The following BDH1 variants were observed in gnomAD, a reference collection of about 807,000 sequenced individuals.
BDH1 encodes the protein D-beta-hydroxybutyrate dehydrogenase, mitochondrial.
BDH1 carries 30 observed loss-of-function variants against 33.1 expected under a neutral mutation model. The observed-to-expected ratio is 0.91, with a 90% CI of 0.68 to 1.23. The LOEUF is 1.23. Ranked by LOEUF, BDH1 falls within the 50% of genes most tolerant of loss-of-function variation. The pLI is 0.00. For synonymous variants in BDH1, 190 were observed against 183.6 expected (o/e 1.03, Z -0.28); for missense variants, 443 against 464.4 (o/e 0.95, Z 0.42).
At chr3:197,563,656 G>T (rs1280330801) in intron 1 of BDH1, among the ~76,000 whole-genome samples, 2 of 151,964 alleles carry the variant, frequency 1.3e-5, no homozygotes, top group African/African-American at 4.8e-5. Context: ...CATTATATGG[G>T]TATTTTCCAA....
chr3:197,550,287 G>C (rs1305424820), intron 2 of BDH1, among the ~76,000 whole-genome samples: 1 of 152,056 alleles, frequency 6.6e-6, no homozygotes, highest in African/African-American at 2.4e-5. Flanking sequence ...AAAAGCCAAG[G>C]GTCTAACATT....
At chr3:197,530,220 T>TTGTG (rs1420283353) in intron 5 of BDH1, 1 of 152,132 alleles carries the variant, frequency 6.6e-6, no homozygotes, top group Admixed American at 6.5e-5. Context: ...GTTGGTGAAA[T>TTGTG]TGTGTGGAAA....
At chr3:197,570,939 C>T (rs1717586364) in intron 1 of BDH1, among the ~76,000 whole-genome samples, 1 of 152,190 alleles carries the variant, frequency 6.6e-6, no homozygotes, top group African/African-American at 2.4e-5. Context: ...CTGGAAAAGT[C>T]ACAGACACTC....
rs913839605 is a variant in BDH1 at position 197,520,391 on chromosome 3, C to T, written c.409+2249G>A. Among the ~76,000 whole-genome samples, 9 of 152,190 alleles carry T rather than the reference C, an allele frequency of 5.9e-5. No individual in the cohort carries two copies. Among genetic ancestry groups the T allele is most frequent in the Admixed American group, 3.3e-4 (5 of 15,286 alleles). On this transcript the variant is annotated intron_variant, in intron 6 of 7. Coordinates refer to ENST00000392379, the MANE Select transcript of BDH1 (RefSeq NM_203314.3). The surrounding 1 kb of genome is among the most constrained non-coding windows in gnomAD (Gnocchi z 6.0). ...GAAAAGCAGCAGGGAAAGGTCTGCG[C>T]GTCAGGCTGGTGCTGGGGTTGGAGC...
chr3:197,522,930 T>C lies in BDH1; in HGVS notation c.268-149A>G. ...TGCCCATGGGCCTGGCCCACCAGCA[T>C]GCGGTTCTTTTTAATCCTGAGCACT... On this transcript the variant is annotated intron_variant, in intron 5 of 7. Transcript: ENST00000392379. The surrounding 1 kb of genome is among the most constrained non-coding windows in gnomAD (Gnocchi z 4.8). 1.2e-6 allele frequency: 1 copy of C among 838,380 alleles called. No individual in the cohort carries two copies. Among genetic ancestry groups the C allele is most frequent in the South Asian group, 1.8e-5 (1 of 55,350 alleles). 51.9% of individuals were successfully genotyped at this position (838,380 alleles called of 1,614,324 possible).
intron 3 of BDH1, among the ~76,000 whole-genome samples, chr3:197,542,520 G>A (rs1028180428): frequency 1.5e-4 from 14 of 90,694 alleles, no homozygotes; most frequent in Non-Finnish European, 2.3e-4. Flanking sequence ...TTTCTTGCTT[G>A]CTTTTTTTTT....
At position 197,523,653 on chromosome 3, in the gene BDH1, CCT is replaced by C. The variant is rs764008470; in HGVS notation, c.268-874_268-873del. Among the ~76,000 whole-genome samples the C allele has an allele frequency of 2.0e-5, 3 of 152,146 alleles. No homozygotes were observed. The highest frequency in any genetic ancestry group is 1.9e-4 in the East Asian group (1 of 5,198). On this transcript the variant is annotated intron_variant, in intron 5 of 7. Coordinates refer to ENST00000392379, the MANE Select transcript of BDH1 (RefSeq NM_203314.3). The surrounding 1 kb of genome is among the most constrained non-coding windows in gnomAD (Gnocchi z 4.5). Reference sequence around the variant, plus strand: ...GGAGGTCAAGATCAATCATTCAGCCCCTGTTCCCAGAGTCGTGTTCTAGGGAA... The same window carrying C: ...GGAGGTCAAGATCAATCATTCAGCCCGTTCCCAGAGTCGTGTTCTAGGGAA...
intron 5 of BDH1, 55 bp downstream of exon 5, chr3:197,532,357 A>C: frequency 1.3e-6 from 2 of 1,517,224 alleles, no homozygotes; most frequent in Non-Finnish European, 1.8e-6. Flanking sequence ...TAAAAGACTA[A>C]AAAACAATGA....
chr3:197,515,921 C>CGT (rs1225495488), intron 6 of BDH1: 33 of 156,386 alleles, frequency 2.1e-4, no homozygotes, highest in African/African-American at 6.7e-4. Context: ...CACACGCGCG[C>CGT]GCGCGCGCTC....
intron 2 of BDH1, among the ~76,000 whole-genome samples, chr3:197,550,012 C>T (rs911086769): frequency 2.1e-5 from 3 of 141,790 alleles, no homozygotes; most frequent in South Asian, 2.2e-4. Context: ...CCGAACATTT[C>T]GTAGAGTCTT....
At position 197,521,629 on chromosome 3, in the gene BDH1, C is replaced by A. The variant is rs1713562266; in HGVS notation, c.409+1011G>T. Among the ~76,000 whole-genome samples the A allele has an allele frequency of 6.6e-6, 1 of 152,184 alleles. No individual in the cohort carries two copies. The highest frequency in any genetic ancestry group is 2.1e-4 in the South Asian group (1 of 4,826). ...GGACATTCCCTCAGGGTGGGCGCTT[C>A]AGTGTCTCCCTATCTCCCCACCTGC... On this transcript the variant is annotated intron_variant, in intron 6 of 7. Coordinates refer to ENST00000392379, the MANE Select transcript of BDH1 (RefSeq NM_203314.3). This position sits in a 1 kb window ranked among gnomAD's most constrained non-coding sequence, Gnocchi z 4.9.
intron 3 of BDH1, among the ~76,000 whole-genome samples, chr3:197,541,058 T>G (rs1449802650): frequency 6.6e-6 from 1 of 152,198 alleles, no homozygotes; most frequent in Non-Finnish European, 1.5e-5. Context: ...CTCTAATTCC[T>G]CTTCCCTCAA....
rs1051935543 is a variant in BDH1 at position 197,523,452 on chromosome 3, C to A, written c.268-671G>T. On this transcript the variant is annotated intron_variant, in intron 5 of 7. Transcript: ENST00000392379. The surrounding 1 kb of genome is among the most constrained non-coding windows in gnomAD (Gnocchi z 4.5). Reference sequence around the variant, plus strand: ...TTTTCTGGCTGTAAAACAGGAACATCACCACCTGTCCTGACCTGCTCAGAT... The same window carrying A: ...TTTTCTGGCTGTAAAACAGGAACATAACCACCTGTCCTGACCTGCTCAGAT... Among the ~76,000 whole-genome samples the A allele has an allele frequency of 6.6e-6, 1 of 152,200 alleles. No homozygotes were observed. Among genetic ancestry groups the A allele is most frequent in the African/African-American group, 2.4e-5 (1 of 41,458 alleles).
rs549143510 is a variant in BDH1, at chr3:197,520,345, C to T, written c.409+2295G>A. ...GTTGATGGTGAGAGGTTCATCCAGC[C>T]CTCCGGAATGCCCGGCGTGGGAAAA... On this transcript the variant is annotated intron_variant, in intron 6 of 7. Transcript: ENST00000392379. This position sits in a 1 kb window ranked among gnomAD's most constrained non-coding sequence, Gnocchi z 6.0. Among the ~76,000 whole-genome samples, 6 of 152,234 alleles carry T rather than the reference C, an allele frequency of 3.9e-5. No individual in the cohort carries two copies. The highest frequency in any genetic ancestry group is 1.4e-4 in the African/African-American group (6 of 41,550).
At position 197,532,459 on chromosome 3, in the gene BDH1, G is replaced by T. The variant is rs376688866; in HGVS notation, c.220C>A (p.His74Asn). 1.2e-6 allele frequency: 2 copies of T among 1,614,112 alleles called. No homozygotes were observed. Among genetic ancestry groups the T allele is most frequent in the Non-Finnish European group, 1.7e-6 (2 of 1,180,036 alleles). Reference sequence around the variant, plus strand: ...ACAAGGAAGCCTTTTGAATGCAGATGCTTGGCCAATGAGAACCCAAATCCA... The same window carrying T: ...ACAAGGAAGCCTTTTGAATGCAGATTCTTGGCCAATGAGAACCCAAATCCA... ...DSGFGFSLAK[H>N]LHSKGFLVFA... The change falls in exon 5 of 8, where the codon CAT becomes AAT. Residue 74 changes from histidine (H) to asparagine (N), a missense_variant. Transcript: ENST00000392379.
rs529681543 is a variant in BDH1, at chr3:197,561,504, T to C, written c.-44+11677A>G. The stretch of plus-strand genomic sequence containing the variant: ...CTGCTTTTAGGATGACAAAAAGCAG[T>C]CTTCAGCCTGAGACCCATCCCTAGG... On this transcript the variant is annotated intron_variant, in intron 1 of 6. Transcript: ENST00000358186. Among the ~76,000 whole-genome samples, 4 of 152,186 alleles carry C rather than the reference T, an allele frequency of 2.6e-5. No homozygotes were observed. The East Asian group carries it at 7.7e-4, about 29-fold the overall frequency.
In BDH1 at chr3:197,514,129, A is replaced by T; in HGVS notation, c.562+135T>A. The T allele has an allele frequency of 8.4e-7, 1 of 1,195,570 alleles. No individual in the cohort carries two copies. Among genetic ancestry groups the T allele is most frequent in the Admixed American group, 3.0e-5 (1 of 33,600 alleles). 74.1% of individuals were successfully genotyped at this position (1,195,570 alleles called of 1,614,324 possible). On this transcript the variant is annotated intron_variant, in intron 7 of 7. Coordinates refer to ENST00000392379, the MANE Select transcript of BDH1 (RefSeq NM_203314.3). The surrounding 1 kb of genome is among the most constrained non-coding windows in gnomAD (Gnocchi z 4.2). The stretch of plus-strand genomic sequence containing the variant: ...CCCACCATCACCCCAGGCCCAGCAT[A>T]GTCCCTGGGATTCACGAGCTCACCT...
At chr3:197,542,956 G>C in intron 3 of BDH1, 12 of 980,086 alleles carry the variant, frequency 1.2e-5, no homozygotes, top group Non-Finnish European at 1.5e-5. Context: ...ACCTCCCCAA[G>C]GCCCTGTGGA....
chr3:197,568,071 G>T (rs1468379203), intron 1 of BDH1, among the ~76,000 whole-genome samples: 4 of 152,134 alleles, frequency 2.6e-5, no homozygotes, highest in African/African-American at 9.7e-5. Context: ...AATGCCCCTG[G>T]TCTTCTCTGC....
Sources: gnomAD v4.1 joint callset for allele counts (sites outside exome capture counted in the v4.1 genomes callset) on GRCh38, gnomAD v4.1.1 for gene constraint, Gnocchi (gnomAD v3.1) non-coding constraint, MANE v1.5 for transcripts, NCBI Gene and HGNC (gene_info 2026-07-23, HGNC 2026-07-21) for gene names.